SDC2: variants seen among roughly 807,000 people sequenced by gnomAD.
The protein encoded by SDC2 is syndecan 2, also known as syndecan-2.
In SDC2, 13 loss-of-function variants were observed where a neutral mutation model predicts 22.2. The observed-to-expected ratio is 0.59, with a 90% CI of 0.38 to 0.93. The LOEUF (loss-of-function observed/expected upper bound fraction) is 0.93, where lower values mean the gene tolerates loss of function less well. Ranked by LOEUF, SDC2 falls within the 40% of genes least tolerant of loss-of-function variation. SDC2 has a pLI of 0.00. For synonymous variants in SDC2, 94 were observed against 92.8 expected, an observed-to-expected ratio of 1.01 and a Z score of -0.07; for missense variants, 235 against 246.8, an observed-to-expected ratio of 0.95 and a Z score of 0.32.
intron 1 of SDC2, among the ~76,000 whole-genome samples, chr8:96,566,604 CAA>C (rs1814302927): frequency 6.6e-6 from 1 of 151,794 alleles, no homozygotes; most frequent in South Asian, 2.1e-4. Context: ...ATATACATAA[CAA>C]AGGAAATTGC....
intron 1 of SDC2, among the ~76,000 whole-genome samples, chr8:96,512,188 C>T (rs542352575): frequency 6.6e-6 from 1 of 152,306 alleles, no homozygotes; most frequent in South Asian, 2.1e-4. Context: ...AGGTACTATG[C>T]GGGCTGGGAA....
intron 1 of SDC2, among the ~76,000 whole-genome samples, chr8:96,507,546 A>T (rs1268693812): frequency 6.6e-6 from 1 of 152,184 alleles, no homozygotes; most frequent in Non-Finnish European, 1.5e-5. Context: ...GATTTGGAAG[A>T]CCCAGAGACT....
intron 1 of SDC2, among the ~76,000 whole-genome samples, chr8:96,555,593 A>G (rs917554408): frequency 9.2e-5 from 14 of 152,228 alleles, no homozygotes; most frequent in Non-Finnish European, 2.1e-4. Context: ...ATGCACACAT[A>G]TTAAACATAA....
chr8:96,598,680 C>T (rs558270440), intron 2 of SDC2, among the ~76,000 whole-genome samples: 1 of 151,856 alleles, frequency 6.6e-6, no homozygotes, highest in Non-Finnish European at 1.5e-5. Context: ...GAGACAGAAC[C>T]GGTGCCCTGG....
intron 1 of SDC2, among the ~76,000 whole-genome samples, chr8:96,565,148 G>A (rs955631541): frequency 7.2e-5 from 8 of 111,142 alleles, no homozygotes; most frequent in Admixed American, 9.6e-5. Flanking sequence ...TGCAGTGTAC[G>A]ATCTCGGCTC....
intron 1 of SDC2, chr8:96,580,207 C>G (rs1814567869): frequency 1.2e-5 from 2 of 171,328 alleles, no homozygotes; most frequent in Admixed American, 1.3e-4. Context: ...GCATTGCTGG[C>G]ATGCATGCCA....
chr8:96,535,047 A>C (rs1476666541), intron 1 of SDC2, among the ~76,000 whole-genome samples: 1 of 150,530 alleles, frequency 6.6e-6, no homozygotes, highest in African/African-American at 2.5e-5. Flanking sequence ...TCTCTAGCCC[A>C]GGCTGGAGTG....
chr8:96,568,951 G>A (rs16894748), intron 1 of SDC2, among the ~76,000 whole-genome samples: 9,844 of 152,198 alleles, frequency 0.065, 988 homozygotes, highest in African/African-American at 0.22. Context: ...CATGGCTGCT[G>A]CTTGGATAAG....
intron 1 of SDC2, among the ~76,000 whole-genome samples, chr8:96,502,381 C>T (rs1320007133): frequency 6.6e-6 from 1 of 152,156 alleles, no homozygotes; most frequent in Non-Finnish European, 1.5e-5. Flanking sequence ...CACAGCCAAA[C>T]CATATCACTA....
chr8:96,589,046 A>C (rs1263536624), intron 1 of SDC2, among the ~76,000 whole-genome samples: 1 of 152,220 alleles, frequency 6.6e-6, no homozygotes, highest in Non-Finnish European at 1.5e-5. Flanking sequence ...TCAAGACTCT[A>C]CTACACTTGA....
intron 1 of SDC2, among the ~76,000 whole-genome samples, chr8:96,561,956 T>C (rs139313102): frequency 6.6e-6 from 1 of 152,350 alleles, no homozygotes; most frequent in Non-Finnish European, 1.5e-5. Flanking sequence ...TGTCTTCTCA[T>C]CCTCTTGACA....
chr8:96,573,154 C>A (rs920258760), intron 1 of SDC2, among the ~76,000 whole-genome samples: 4 of 152,028 alleles, frequency 2.6e-5, no homozygotes, highest in African/African-American at 4.8e-5. Context: ...TGAACTATTT[C>A]ACGTTTTTTC....
At chr8:96,497,467 T>G (rs1001203489) in intron 1 of SDC2, among the ~76,000 whole-genome samples, 1 of 152,128 alleles carries the variant, frequency 6.6e-6, no homozygotes, top group African/African-American at 2.4e-5. Context: ...TAGGACCTGA[T>G]ATGTCTAGTT....
At chr8:96,585,872 T>A (rs1264589298) in intron 1 of SDC2, among the ~76,000 whole-genome samples, 1 of 97,310 alleles carries the variant, frequency 1.0e-5, no homozygotes, top group Non-Finnish European at 2.4e-5. Flanking sequence ...TTTTTTTTTT[T>A]TTTTTTGGTT....
At chr8:96,519,973 T>G (rs1364566897) in intron 1 of SDC2, among the ~76,000 whole-genome samples, 9 of 152,180 alleles carry the variant, frequency 5.9e-5, no homozygotes, top group South Asian at 2.1e-4. Flanking sequence ...AGTTGATAGC[T>G]TCTCATAATT....
chr8:96,581,139 CTT>C (rs1814582102), intron 1 of SDC2, among the ~76,000 whole-genome samples: 1 of 152,162 alleles, frequency 6.6e-6, no homozygotes, highest in Non-Finnish European at 1.5e-5. Context: ...CCAACTGAGA[CTT>C]TTAATTGTCA....
chr8:96,512,185 A>G (rs767104607), intron 1 of SDC2, among the ~76,000 whole-genome samples: 1 of 152,200 alleles, frequency 6.6e-6, no homozygotes, highest in Non-Finnish European at 1.5e-5. Flanking sequence ...ACAAGGTACT[A>G]TGCGGGCTGG....
chr8:96,556,263 A>T (rs1814110783), intron 1 of SDC2, among the ~76,000 whole-genome samples: 1 of 152,128 alleles, frequency 6.6e-6, no homozygotes, highest in African/African-American at 2.4e-5. Context: ...TTATCAGAGA[A>T]TGAAACGAAA....
At chr8:96,544,102 A>T (rs951984549) in intron 1 of SDC2, among the ~76,000 whole-genome samples, 2 of 152,170 alleles carry the variant, frequency 1.3e-5, no homozygotes, top group Non-Finnish European at 2.9e-5. Flanking sequence ...CAGTAAGTAT[A>T]TTTCAGAAAG....
Sources: allele counts gnomAD v4.1 joint callset (sites outside exome capture counted in the v4.1 genomes callset), GRCh38; gene constraint gnomAD v4.1.1; transcripts MANE v1.5; gene names NCBI Gene and HGNC (gene_info 2026-07-23, HGNC 2026-07-21).